Variants in MTHFSD observed in about 807,000 individuals in gnomAD.
The protein encoded by MTHFSD is methenyltetrahydrofolate synthase domain-containing protein.
In MTHFSD, 37 loss-of-function variants were observed where a neutral mutation model predicts 31.1. The ratio of observed to expected loss-of-function variants is 1.19; its 90% CI spans 0.91 to 1.56. The LOEUF is 1.56. Among genes scored for constraint, MTHFSD ranks in the 40% most tolerant of loss-of-function variants. MTHFSD has a pLI of 0.00. For missense variants in MTHFSD, 664 were observed against 510.1 expected, an observed-to-expected ratio of 1.30 and a Z score of -2.91; for synonymous variants, 221 against 206.9, an observed-to-expected ratio of 1.07 and a Z score of -0.59.
rs1352939962 is a variant in MTHFSD, at chr16:86,554,721, T to C, written c.47A>G (p.Gln16Arg). Residue 16 changes from glutamine (Q) to arginine (R), a missense_variant, in exon 2 of 8, where the codon CAA (glutamine) becomes CGA (arginine). By Grantham distance (43) the Gln-to-Arg change is conservative. Transcript: ENST00000360900. ...VGVSKQDIRE[Q>R]IWGYMESQNL... ...TTGTGATTCCATGTAGCCCCAAATT[T>C]GTTCACGTATGTCCTGTTTGGAGAC... is the stretch of plus-strand genomic sequence containing the variant. 6.2e-7 allele frequency: 1 copy of C among 1,614,216 alleles called. No homozygotes were observed. The highest frequency in any genetic ancestry group is 1.7e-5 in the Admixed American group (1 of 60,030).
Position 86,538,603 on chromosome 16 carries a change from C to T in MTHFSD, c.681+3094G>A, listed in dbSNP as rs1448213151. Reference sequence around the variant, plus strand: ...GGTTTGCTACGGCACAGAGCTGAGGCAGCCAAATGGCTCTCAGCCCACTAC... The same window carrying T: ...GGTTTGCTACGGCACAGAGCTGAGGTAGCCAAATGGCTCTCAGCCCACTAC... On this transcript the variant is annotated intron_variant, in intron 7 of 7. Coordinates refer to ENST00000360900, the MANE Select transcript of MTHFSD (RefSeq NM_001159377.2). Among the ~76,000 whole-genome samples the T allele has an allele frequency of 2.0e-5, 3 of 152,376 alleles. No individual in the cohort carries two copies. In the East Asian group the frequency reaches 5.8e-4, roughly 29 times the overall value.
chr16:86,546,546 C>T lies in MTHFSD; in HGVS notation c.442+13G>A, dbSNP rs1409001720. 1.9e-6 allele frequency: 3 copies of T among 1,612,776 alleles called. No individual in the cohort carries two copies. The highest frequency in any genetic ancestry group is 2.2e-5 in the South Asian group (2 of 91,066). Reference sequence around the variant, plus strand: ...AGCTGTCACACTCAAGGGTTCCCATCTGCTAGTCTTACCTTTTTCAGAAAC... The same window carrying T: ...AGCTGTCACACTCAAGGGTTCCCATTTGCTAGTCTTACCTTTTTCAGAAAC... On this transcript the variant is annotated intron_variant, in intron 5 of 7. Coordinates refer to ENST00000360900, the MANE Select transcript of MTHFSD (RefSeq NM_001159377.2).
chr16:86,541,929 A>T, intron 6 of MTHFSD, 107 bp from the exon 7 acceptor site: 1 of 1,491,700 alleles, frequency 6.7e-7, no homozygotes, highest in Non-Finnish European at 9.2e-7. Flanking sequence ...GCACCCCCAA[A>T]TCCACTCTGG....
intron 3 of MTHFSD, 106 bp from the exon 4 acceptor site, chr16:86,548,683 C>T (rs893921006): frequency 9.3e-6 from 8 of 864,416 alleles, no homozygotes; most frequent in African/African-American, 3.5e-5. Flanking sequence ...TACTATTATC[C>T]GCATGGTTTT....
Position 86,532,418 on chromosome 16 carries a change from C to A in MTHFSD, c.745G>T (p.Ala249Ser), listed in dbSNP as rs776250628. The A allele has an allele frequency of 1.2e-5, 18 of 1,495,922 alleles. No homozygotes were observed. The highest frequency in any genetic ancestry group is 4.8e-5 in the Admixed American group (2 of 41,262). 92.7% of individuals were successfully genotyped at this position (1,495,922 alleles called of 1,614,324 possible). Residue 249 changes from alanine to serine, a missense_variant, in exon 8 of 8, where the codon GCT becomes TCT. Coordinates refer to ENST00000360900, the MANE Select transcript of MTHFSD (RefSeq NM_001159377.2). ...LRSLRAREQQ[A>S]GKDVTLQGEH... ...CCCTGGAGGGTGACATCCTTCCCAG[C>A]CTGCTGCTCTCGGGCGCGGAGGCTC...
At position 86,541,058 on chromosome 16, in the gene MTHFSD, T is replaced by C. The variant is rs78324601; in HGVS notation, c.681+639A>G. ...TGGACACGTATGCTTATTTGACCAG[T>C]AGTTTTGTCCACACGAAGCACAAAT... On this transcript the variant is annotated intron_variant, in intron 7 of 7. Transcript: ENST00000360900. 264 of 1,232,476 alleles carry C rather than the reference T, an allele frequency of 2.1e-4. 1 individual carries two copies. In the African/African-American group the frequency reaches 3.8e-3, roughly 18 times the overall value. 76.3% of individuals were successfully genotyped at this position (1,232,476 alleles called of 1,614,324 possible).
chr16:86,554,553 C>G (rs1015455331), intron 2 of MTHFSD, 92 bp downstream of exon 2: 3 of 1,002,178 alleles, frequency 3.0e-6, no homozygotes, highest in African/African-American at 1.6e-5. Context: ...CATTCTCATC[C>G]ACCATGACGC....
chr16:86,552,008 G>A (rs761650623), intron 3 of MTHFSD, 25 bp downstream of exon 3: 3 of 1,613,646 alleles, frequency 1.9e-6, no homozygotes, highest in Non-Finnish European at 2.5e-6. Flanking sequence ...CCAGGTCTCG[G>A]CTCGGCTCAG....
At position 86,552,133 on chromosome 16, in the gene MTHFSD, G is replaced by A; in HGVS notation, c.137C>T (p.Ala46Val). The A allele has an allele frequency of 1.2e-6, 2 of 1,614,216 alleles. No homozygotes were observed. The highest frequency in any genetic ancestry group is 2.2e-5 in the South Asian group (2 of 91,086). The stretch of plus-strand genomic sequence containing the variant: ...GTCTAGGTCTTTGATGTTTTGGCAA[G>A]CCAGATAAGACCCCTAGTTAGGCAA... ...RIPNFKGSYL[A>V]CQNIKDLDVF... The change falls in exon 3 of 8, where the codon GCT (alanine) becomes GTT (valine). Residue 46 changes from alanine to valine, a missense_variant. Ala to Val is a moderately conservative substitution (Grantham distance 64, BLOSUM62 0). Coordinates refer to ENST00000360900, the MANE Select transcript of MTHFSD (RefSeq NM_001159377.2).
intron 5 of MTHFSD, among the ~76,000 whole-genome samples, chr16:86,543,584 G>A (rs1295871528): frequency 6.6e-6 from 1 of 152,248 alleles, no homozygotes; most frequent in African/African-American, 2.4e-5. Context: ...ACGGGCCCAG[G>A]AGGCCAGCCC....
chr16:86,548,156 C>T, intron 4 of MTHFSD: 2 of 1,293,480 alleles, frequency 1.5e-6, no homozygotes, highest in Non-Finnish European at 2.0e-6. Flanking sequence ...CAATACTGAA[C>T]ATCGCAGGTT....
intron 3 of MTHFSD, 87 bp from the exon 4 acceptor site, chr16:86,548,664 G>A (rs1290680781): frequency 1.9e-6 from 2 of 1,045,740 alleles, no homozygotes; most frequent in Admixed American, 2.7e-5. Context: ...TTCAGGAGAA[G>A]AGGCAAATTA....
In MTHFSD at chr16:86,532,435, C is replaced by T. The variant is rs755482028; in HGVS notation, c.728G>A (p.Arg243His). 27 of 1,466,540 alleles carry T rather than the reference C, an allele frequency of 1.8e-5. No individual in the cohort carries two copies. Among genetic ancestry groups the T allele is most frequent in the African/African-American group, 2.9e-5 (2 of 69,982 alleles). 90.8% of individuals were successfully genotyped at this position (1,466,540 alleles called of 1,614,324 possible). ...MEKIPILRSL[R>H]AREQQAGKDV... The stretch of plus-strand genomic sequence containing the variant: ...CTTCCCAGCCTGCTGCTCTCGGGCG[C>T]GGAGGCTCCTCAGTATGGGGATTTT... Residue 243 changes from arginine (R) to histidine (H), a missense_variant, in exon 8 of 8, where the codon CGC becomes CAC. Transcript: ENST00000360900.
chr16:86,535,476 C>G (rs1970565032), intron 7 of MTHFSD: 1 of 985,244 alleles, frequency 1.0e-6, no homozygotes, highest in South Asian at 4.7e-5. Flanking sequence ...GCTACTGTTT[C>G]CTGGCTGGCA....
chr16:86,531,874 G>A lies in MTHFSD; in HGVS notation c.*137C>T, dbSNP rs1970021818. 3.7e-6 allele frequency: 2 copies of A among 537,460 alleles called. No individual in the cohort carries two copies. Among genetic ancestry groups the A allele is most frequent in the South Asian group, 3.9e-5 (1 of 25,610 alleles). 33.3% of individuals were successfully genotyped at this position (537,460 alleles called of 1,614,324 possible). A position where few individuals can be genotyped will look rare whatever the true frequency, so the allele number is the denominator to read the frequency against. ...GCGTTCACTGAGCGGTGACTTCTGA[G>A]AAGAATTGAGACCCGAGCAGCTCAG... On this transcript the variant is annotated 3_prime_UTR_variant, in exon 8 of 8. Coordinates refer to ENST00000360900, the MANE Select transcript of MTHFSD (RefSeq NM_001159377.2). The surrounding 1 kb of genome is among the most constrained non-coding windows in gnomAD (Gnocchi z 5.5).
chr16:86,541,038 A>C, intron 7 of MTHFSD: 2 of 1,202,142 alleles, frequency 1.7e-6, no homozygotes, highest in Non-Finnish European at 2.1e-6. Context: ...AGACGTGGAC[A>C]CGTATGCTTA....
chr16:86,552,755 T>A (rs937231961), intron 2 of MTHFSD, among the ~76,000 whole-genome samples: 2 of 152,010 alleles, frequency 1.3e-5, no homozygotes, highest in Non-Finnish European at 2.9e-5. Flanking sequence ...AAAAGATCAG[T>A]TTTTCAAAGG....
chr16:86,545,372 C>A (rs1972140566), intron 5 of MTHFSD, among the ~76,000 whole-genome samples: 1 of 152,174 alleles, frequency 6.6e-6, no homozygotes. Context: ...TACTACTTTA[C>A]ACAGGGGGTT....
At chr16:86,553,786 C>T (rs116102095) in intron 2 of MTHFSD, 4,204 of 153,258 alleles carry the variant, frequency 0.027, 210 homozygotes, top group African/African-American at 0.097. Flanking sequence ...AGCCCCAGTG[C>T]GGGATCTGCT....
Sources: allele counts gnomAD v4.1 joint callset (sites outside exome capture counted in the v4.1 genomes callset), GRCh38; gene constraint gnomAD v4.1.1; non-coding constraint Gnocchi (gnomAD v3.1); transcripts MANE v1.5; gene names NCBI Gene and HGNC (gene_info 2026-07-23, HGNC 2026-07-21).